ABCG8: variants seen among roughly 807,000 people sequenced by gnomAD.
ABCG8 encodes ATP-binding cassette sub-family G member 8.
ABCG8 carries 81 observed loss-of-function variants against 71.3 expected under a neutral mutation model. That is an observed-to-expected ratio of 1.14 (90% CI 0.95 to 1.37). ABCG8 has a LOEUF of 1.37. ABCG8 is among the 40% of genes most tolerant of loss of function. The pLI is 0.00. For missense variants in ABCG8, 1,119 were observed against 866.2 expected, an observed-to-expected ratio of 1.29 and a Z score of -3.66; for synonymous variants, 451 against 354.7, an observed-to-expected ratio of 1.27 and a Z score of -3.05.
chr2:43,867,026 G>A (rs757773971), intron 6 of ABCG8, among the ~76,000 whole-genome samples: 7,304 of 150,944 alleles, frequency 0.048, 219 homozygotes, highest in Middle Eastern at 0.11. Flanking sequence ...ATAAAAAATG[G>A]TGAGTTCATG....
chr2:43,849,586 C>G (rs538109841), intron 3 of ABCG8, among the ~76,000 whole-genome samples: 4 of 152,032 alleles, frequency 2.6e-5, no homozygotes, highest in African/African-American at 7.2e-5. Flanking sequence ...CAGAGAGTCT[C>G]CCCAGATGCC....
chr2:43,852,823 A>G lies in ABCG8; in HGVS notation c.919A>G (p.Ile307Val), dbSNP rs1362010373. ...AQHMVQYFTA[I>V]GYPCPRYSNP... Reference sequence around the variant, plus strand: ...GCACATGGTCCAGTATTTCACAGCCATCGGCTACCCCTGTCCTCGCTACAG... The same window carrying G: ...GCACATGGTCCAGTATTTCACAGCCGTCGGCTACCCCTGTCCTCGCTACAG... Residue 307 changes from isoleucine (I) to valine (V), a missense_variant, in exon 6 of 13, where the codon ATC (isoleucine) becomes GTC (valine). By Grantham distance (29) the Ile-to-Val change is conservative (BLOSUM62 3). Transcript: ENST00000272286. 1.9e-6 allele frequency: 3 copies of G among 1,614,118 alleles called. No homozygotes were observed. The highest frequency in any genetic ancestry group is 3.3e-5 in the Admixed American group (2 of 60,014).
At chr2:43,869,426 ACT>A (rs1669673808) in intron 6 of ABCG8, among the ~76,000 whole-genome samples, 1 of 151,300 alleles carries the variant, frequency 6.6e-6, no homozygotes, top group Non-Finnish European at 1.5e-5. Flanking sequence ...TAGATTTCTC[ACT>A]CTCTGGATAG....
intron 9 of ABCG8, 53 bp downstream of exon 9, chr2:43,874,039 G>A: frequency 5.0e-6 from 8 of 1,586,520 alleles, no homozygotes; most frequent in Non-Finnish European, 6.9e-6. Context: ...CCTCCAAGCT[G>A]TGTTCCTCTG....
In ABCG8 at chr2:43,882,201, C is replaced by T. The variant is rs1013935426; in HGVS notation, c.*4288C>T. ...CTATAAATAGTATATAAGATGTAAT[C>T]TTGCCCTGGGTTAAACCAGTCTACA... On this transcript the variant is annotated 3_prime_UTR_variant, in exon 13 of 13. Coordinates refer to ENST00000272286, the MANE Select transcript of ABCG8 (RefSeq NM_022437.3). The T allele has an allele frequency of 3.5e-4, 53 of 152,182 alleles. No homozygotes were observed. The highest frequency in any genetic ancestry group is 1.2e-3 in the African/African-American group (49 of 41,434). The allele number at this position is 152,182 out of a possible 1,614,324, so 9.4% of individuals were successfully genotyped here.
At chr2:43,868,704 C>G (rs1363261596) in intron 6 of ABCG8, among the ~76,000 whole-genome samples, 1 of 151,948 alleles carries the variant, frequency 6.6e-6, no homozygotes, top group Non-Finnish European at 1.5e-5. Context: ...GGATAGAATT[C>G]TCAGCATCTG....
rs768764678 is a variant in ABCG8, at chr2:43,872,165, A to T, written c.1127+27A>T. On this transcript the variant is annotated intron_variant, in intron 7 of 12. Coordinates refer to ENST00000272286, the MANE Select transcript of ABCG8 (RefSeq NM_022437.3). Reference sequence around the variant, plus strand: ...TAAGGTGGCAGGCGACTCTGAGAGGAGAGCTCCCTGCAGAAGGTGGCTGCC... The same window carrying T: ...TAAGGTGGCAGGCGACTCTGAGAGGTGAGCTCCCTGCAGAAGGTGGCTGCC... 4 of 1,614,024 alleles carry T rather than the reference A, an allele frequency of 2.5e-6. No homozygotes were observed. In the Admixed American group the frequency reaches 6.7e-5, roughly 27 times the overall value.
intron 6 of ABCG8, among the ~76,000 whole-genome samples, chr2:43,856,443 C>T (rs951850139): frequency 1.3e-5 from 2 of 150,822 alleles, no homozygotes; most frequent in African/African-American, 4.9e-5. Context: ...GAATTTTCAC[C>T]ATCTGGATAG....
rs745764896 is a variant in ABCG8, at chr2:43,859,423, A to G, written c.964+6555A>G. ...TATCTGGATAGAATTCTCACTCTGCATAGAACTCTCACTATCTATCTGGAT... is the reference window on the plus strand; with the variant it reads ...TATCTGGATAGAATTCTCACTCTGCGTAGAACTCTCACTATCTATCTGGAT... On this transcript the variant is annotated intron_variant, in intron 6 of 12. Coordinates refer to ENST00000272286, the MANE Select transcript of ABCG8 (RefSeq NM_022437.3). 4.0e-5 allele frequency among the ~76,000 whole-genome samples: 6 copies of G among 151,372 alleles called. No individual in the cohort carries two copies. The South Asian group carries it at 8.3e-4, about 21-fold the overall frequency.
rs192364777 is a variant in ABCG8 at position 43,868,919 on chromosome 2, C to G, written c.965-3057C>G. Among the ~76,000 whole-genome samples, 23 of 151,456 alleles carry G rather than the reference C, an allele frequency of 1.5e-4. No individual in the cohort carries two copies. The East Asian group carries it at 4.5e-3, about 29-fold the overall frequency. ...TCACAGTCTGGATAGAATTCTCACT[C>G]TGTGGATAGAACTGTCACTATCTGG... On this transcript the variant is annotated intron_variant, in intron 6 of 12. Transcript: ENST00000272286.
chr2:43,850,254 G>T (rs1055557525), intron 3 of ABCG8, among the ~76,000 whole-genome samples: 2 of 152,108 alleles, frequency 1.3e-5, no homozygotes, highest in Non-Finnish European at 2.9e-5. Flanking sequence ...GGAGTGGAAA[G>T]AGCTCATTCC....
chr2:43,865,782 A>G (rs1187722078), intron 6 of ABCG8, among the ~76,000 whole-genome samples: 1 of 152,052 alleles, frequency 6.6e-6, no homozygotes, highest in Non-Finnish European at 1.5e-5. Context: ...TCTGGATAGA[A>G]TTCTCACCAT....
At chr2:43,850,320 G>A (rs1437128894) in intron 3 of ABCG8, among the ~76,000 whole-genome samples, 2 of 152,192 alleles carry the variant, frequency 1.3e-5, no homozygotes, top group African/African-American at 4.8e-5. Context: ...TTCATAGCTT[G>A]AACAGCTGTC....
chr2:43,855,594 C>A (rs1476529001), intron 6 of ABCG8, among the ~76,000 whole-genome samples: 1 of 152,158 alleles, frequency 6.6e-6, no homozygotes, highest in Non-Finnish European at 1.5e-5. Context: ...CACTATCTAT[C>A]TAGATAGAAT....
At chr2:43,864,421 C>A (rs962460152) in intron 6 of ABCG8, among the ~76,000 whole-genome samples, 1 of 150,796 alleles carries the variant, frequency 6.6e-6, no homozygotes, top group Admixed American at 6.6e-5. Flanking sequence ...GAATTCTCAC[C>A]ATCTGAATAG....
At chr2:43,869,762 G>C (rs1201323828) in intron 6 of ABCG8, among the ~76,000 whole-genome samples, 7 of 151,878 alleles carry the variant, frequency 4.6e-5, no homozygotes, top group African/African-American at 1.7e-4. Flanking sequence ...TATCTGTCTG[G>C]ATAGAATTCT....
At chr2:43,872,338 C>A (rs1187429289) in intron 8 of ABCG8, 32 bp downstream of exon 8, 2 of 1,591,094 alleles carry the variant, frequency 1.3e-6, no homozygotes, top group Non-Finnish European at 1.7e-6. Context: ...ACTGAACCCG[C>A]CCCCCTGCCC....
intron 11 of ABCG8, 125 bp from the exon 12 acceptor site, chr2:43,877,436 A>C: frequency 6.7e-7 from 1 of 1,483,402 alleles, no homozygotes. Flanking sequence ...TGGGGAGATC[A>C]TGCAAATATG....
rs752691925 is a variant in ABCG8, at chr2:43,875,275, T to A, written c.1618T>A (p.Phe540Ile). Residue 540 changes from phenylalanine to isoleucine, a missense_variant, in exon 11 of 13, where the codon TTC (phenylalanine) becomes ATC (isoleucine). Phe to Ile is a conservative substitution (Grantham distance 21). Coordinates refer to ENST00000272286, the MANE Select transcript of ABCG8 (RefSeq NM_022437.3). Reference sequence around the variant, plus strand: ...CTTCCTGCTGGTGTGGCTGGTGGTCTTCTGTTGCAGGATTATGGCCCTGGC... The same window carrying A: ...CTTCCTGCTGGTGTGGCTGGTGGTCATCTGTTGCAGGATTATGGCCCTGGC... ...LHFLLVWLVV[F>I]CCRIMALAAA... is the part of the protein sequence containing the mutation. The A allele has an allele frequency of 5.0e-6, 8 of 1,614,092 alleles. No individual in the cohort carries two copies. In the East Asian group the frequency reaches 1.8e-4, roughly 36 times the overall value.
Sources: allele counts gnomAD v4.1 joint callset (sites outside exome capture counted in the v4.1 genomes callset), GRCh38; gene constraint gnomAD v4.1.1; transcripts MANE v1.5; gene names NCBI Gene and HGNC (gene_info 2026-07-23, HGNC 2026-07-21).